LAMB1: variants seen among roughly 807,000 people sequenced by gnomAD.
The protein encoded by LAMB1 is laminin subunit beta-1.
In LAMB1, 121 loss-of-function variants were observed where a neutral mutation model predicts 222.3. The ratio of observed to expected loss-of-function variants is 0.54; its 90% CI spans 0.47 to 0.63. LAMB1 has a LOEUF of 0.63. Ranked by LOEUF, LAMB1 falls within the 30% of genes least tolerant of loss-of-function variation. LAMB1 has a pLI of 0.00. For synonymous variants in LAMB1, 794 were observed against 807.2 expected (o/e 0.98, Z 0.28); for missense variants, 2,172 against 2,240.8 (o/e 0.97, Z 0.62).
At chr7:107,955,342 TTTAA>T in intron 21 of LAMB1, 121 bp downstream of exon 21, 1 of 849,522 alleles carries the variant, frequency 1.2e-6, no homozygotes, top group Non-Finnish European at 1.7e-6. Context: ...TTTTCTAATT[TTTAA>T]TTAAAAATTA....
intron 14 of LAMB1, 128 bp from the exon 15 acceptor site, chr7:107,963,191 T>G (rs948697993): frequency 3.7e-6 from 3 of 807,708 alleles, no homozygotes; most frequent in Non-Finnish European, 5.8e-6. Context: ...TTTTTTATAG[T>G]CAAATCTCCC....
intron 24 of LAMB1, among the ~76,000 whole-genome samples, chr7:107,943,914 T>C (rs185252628): frequency 9.9e-5 from 15 of 152,278 alleles, no homozygotes; most frequent in African/African-American, 3.6e-4. Flanking sequence ...AGTTCAGCAA[T>C]GTAGGCTGAT....
chr7:107,929,661 T>A (rs1399882711), intron 29 of LAMB1, 42 bp from the exon 30 acceptor site: 14 of 1,530,072 alleles, frequency 9.1e-6, no homozygotes, highest in Non-Finnish European at 1.3e-5. Flanking sequence ...GTGAAAAGAA[T>A]AGATGGTTCA....
chr7:107,951,169 G>C, intron 24 of LAMB1, 57 bp downstream of exon 24: 1 of 1,288,038 alleles, frequency 7.8e-7, no homozygotes, highest in Non-Finnish European at 1.1e-6. Flanking sequence ...GGCTCTTGTA[G>C]AACCCCAGTT....
rs776289560 is a variant in LAMB1 at position 107,963,031 on chromosome 7, C to T, written c.1731G>A (p.Gln577=). 1 of 1,613,948 alleles carries T rather than the reference C, an allele frequency of 6.2e-7. No homozygotes were observed. The highest frequency in any genetic ancestry group is 8.5e-7 in the Non-Finnish European group (1 of 1,179,900). The change falls in exon 15 of 34, where the codon CAG becomes CAA. Residue 577 remains glutamine, a synonymous_variant. Transcript: ENST00000222399. ...GVSIVERQYI[Q]DRIPSWTGAG... ...CTCCAGTCCAGGAGGGAATCCGGTC[C>T]TGGATATATTGCCGCTCCACTATGC...
chr7:107,949,381 A>G (rs774037176), intron 24 of LAMB1, among the ~76,000 whole-genome samples: 15 of 152,242 alleles, frequency 9.9e-5, no homozygotes. Context: ...TATTTTGCCA[A>G]TGACACATGC....
rs140678479 is a variant in LAMB1 at position 107,961,610 on chromosome 7, G to C, written c.1924C>G (p.Arg642Gly). The C allele has an allele frequency of 1.0e-4, 162 of 1,613,964 alleles. No individual in the cohort carries two copies. The highest frequency in any genetic ancestry group is 1.3e-4 in the Non-Finnish European group (156 of 1,179,924). ...QRPGRIPTSS[R>G]CGNTIPDDDN... ...TCATCGGGGATGGTATTACCACATC[G>C]GCTGCTGGTTGGAATCCTTCCAGGT... is the stretch of plus-strand genomic sequence containing the variant. The change falls in exon 16 of 34, where the codon CGA (arginine) becomes GGA (glycine). Residue 642 changes from arginine (R) to glycine (G), a missense_variant. Coordinates refer to ENST00000222399, the MANE Select transcript of LAMB1 (RefSeq NM_002291.3).
chr7:107,997,246 AC>A (rs2034297241), intron 4 of LAMB1, among the ~76,000 whole-genome samples: 1 of 151,952 alleles, frequency 6.6e-6, no homozygotes. Context: ...ACACCGTGAA[AC>A]CCCACCTCTA....
rs769381358 is a variant in LAMB1 at position 107,963,033 on chromosome 7, G to A, written c.1729C>T (p.Gln577Ter). ...GVSIVERQYI[Q>*]DRIPSWTGAG... is the part of the protein sequence containing the mutation. ...CCAGTCCAGGAGGGAATCCGGTCCTGGATATATTGCCGCTCCACTATGCTA... is the reference window on the plus strand; with the variant it reads ...CCAGTCCAGGAGGGAATCCGGTCCTAGATATATTGCCGCTCCACTATGCTA... Residue 577 changes from glutamine to a stop codon, truncating the protein, a stop_gained, in exon 15 of 34, where the codon CAG becomes TAG. Coordinates refer to ENST00000222399, the MANE Select transcript of LAMB1 (RefSeq NM_002291.3). LOFTEE classifies it high-confidence loss of function. 13 of 1,613,766 alleles carry A rather than the reference G, an allele frequency of 8.1e-6. No homozygotes were observed. The highest frequency in any genetic ancestry group is 1.3e-5 in the African/African-American group (1 of 74,922).
chr7:107,973,711 T>C (rs1015995441), intron 12 of LAMB1, among the ~76,000 whole-genome samples: 4 of 152,190 alleles, frequency 2.6e-5, no homozygotes, highest in Non-Finnish European at 5.9e-5. Context: ...AGTGGTGTGA[T>C]CCCAGCTCAC....
At chr7:107,928,965 T>G in intron 31 of LAMB1, 99 bp downstream of exon 31, 153 of 1,140,430 alleles carry the variant, frequency 1.3e-4, no homozygotes, top group Middle Eastern at 5.8e-4. Flanking sequence ...CCTTTAATGT[T>G]GAGTTGTAAG....
intron 19 of LAMB1, 37 bp downstream of exon 19, chr7:107,959,654 C>G: frequency 6.2e-7 from 1 of 1,614,198 alleles, no homozygotes. Context: ...CTGAGTTAAT[C>G]TGAATGAATG....
chr7:107,996,009 A>T (rs930804295), intron 4 of LAMB1, among the ~76,000 whole-genome samples: 2 of 152,202 alleles, frequency 1.3e-5, no homozygotes, highest in Non-Finnish European at 2.9e-5. Flanking sequence ...GTTAAAAGAA[A>T]AACATTATAT....
chr7:107,997,532 T>A (rs1382244325), intron 4 of LAMB1, among the ~76,000 whole-genome samples: 1 of 152,226 alleles, frequency 6.6e-6, no homozygotes, highest in Admixed American at 6.5e-5. Flanking sequence ...CCTGCCCAGG[T>A]GTACTGCATA....
intron 7 of LAMB1, 103 bp downstream of exon 7, chr7:107,985,919 T>C: frequency 1.2e-6 from 1 of 860,420 alleles, no homozygotes; most frequent in Non-Finnish European, 1.9e-6. Context: ...ATCGCACCAT[T>C]GCACTCCAGC....
At chr7:107,976,317 G>A (rs28651758) in intron 9 of LAMB1, among the ~76,000 whole-genome samples, 7,772 of 152,194 alleles carry the variant, frequency 0.051, 655 homozygotes, top group African/African-American at 0.17. Flanking sequence ...TTCAAGGACC[G>A]TGAGGCCTGA....
At chr7:107,991,887 G>A (rs2034190410) in intron 5 of LAMB1, among the ~76,000 whole-genome samples, 1 of 124,040 alleles carries the variant, frequency 8.1e-6, no homozygotes, top group Non-Finnish European at 1.6e-5. Context: ...CAGCCTGGGA[G>A]AGAGCGAGAC....
At chr7:107,970,245 G>A (rs984876716) in intron 13 of LAMB1, among the ~76,000 whole-genome samples, 9 of 152,114 alleles carry the variant, frequency 5.9e-5, no homozygotes, top group African/African-American at 1.9e-4. Flanking sequence ...CCAGCACATT[G>A]GGAGCCTGAG....
intron 10 of LAMB1, 111 bp downstream of exon 10, chr7:107,975,575 CAAT>C: frequency 7.9e-7 from 1 of 1,272,216 alleles, no homozygotes. Flanking sequence ...ACTGCAATTA[CAAT>C]AACAATGCTG....
Sources: allele counts gnomAD v4.1 joint callset (sites outside exome capture counted in the v4.1 genomes callset), GRCh38; gene constraint gnomAD v4.1.1; transcripts MANE v1.5; gene names NCBI Gene and HGNC (gene_info 2026-07-23, HGNC 2026-07-21).